ADORA2B: variants seen among roughly 807,000 people sequenced by gnomAD.
ADORA2B encodes adenosine receptor A2b.
ADORA2B carries 18 observed loss-of-function variants against 20.8 expected under a neutral mutation model. That is an observed-to-expected ratio of 0.87 (90% CI 0.60 to 1.29). The LOEUF (loss-of-function observed/expected upper bound fraction) is 1.29. Ranked by LOEUF, ADORA2B falls within the 50% of genes most tolerant of loss-of-function variation. The pLI is 0.00. For synonymous variants in ADORA2B, 179 were observed against 178.3 expected (o/e 1.00, Z -0.03); for missense variants, 441 against 422.7 (o/e 1.04, Z -0.38).
intron 1 of ADORA2B, among the ~76,000 whole-genome samples, chr17:15,950,310 C>T (rs1007926529): frequency 1.3e-5 from 2 of 152,196 alleles, no homozygotes; most frequent in Non-Finnish European, 2.9e-5. Flanking sequence ...GTGGCCCACA[C>T]CTGGAAGTCA....
At chr17:15,885,694 A>G in the ADORA2B span, among the ~76,000 whole-genome samples, 3 of 150,726 alleles carry the variant, frequency 2.0e-5, no homozygotes, top group African/African-American at 4.9e-5. Context: ...AGCCTGGACA[A>G]CAGAGCAAGA....
chr17:15,964,790 G>T (rs189250309), intron 1 of ADORA2B, among the ~76,000 whole-genome samples: 4 of 149,986 alleles, frequency 2.7e-5, no homozygotes, highest in South Asian at 4.2e-4. Flanking sequence ...GGCCGGGCGC[G>T]GTGGCTCACG....
intron 1 of ADORA2B, among the ~76,000 whole-genome samples, chr17:15,962,791 T>TA (rs1970057332): frequency 6.6e-6 from 1 of 152,232 alleles, no homozygotes; most frequent in African/African-American, 2.4e-5. Context: ...GTGCTGGGAT[T>TA]ACAGGCATGA....
the ADORA2B span, among the ~76,000 whole-genome samples, chr17:15,917,944 C>T: frequency 3.1e-3 from 475 of 152,372 alleles, 1 homozygote; most frequent in Non-Finnish European, 5.2e-3. Context: ...CCTCTCGAGC[C>T]TGCACTGGGC....
At chr17:15,938,690 T>C in the ADORA2B span, among the ~76,000 whole-genome samples, 3 of 152,192 alleles carry the variant, frequency 2.0e-5, no homozygotes, top group Admixed American at 6.5e-5. Context: ...ATATTTAGCA[T>C]CTCTGGTCTC....
At chr17:15,871,733 C>T in the ADORA2B span, among the ~76,000 whole-genome samples, 1 of 152,108 alleles carries the variant, frequency 6.6e-6, no homozygotes, top group Admixed American at 6.6e-5. Flanking sequence ...TTAATTAATT[C>T]CTTGGGGGAA....
At chr17:15,964,655 T>A (rs890144705) in intron 1 of ADORA2B, among the ~76,000 whole-genome samples, 2 of 151,516 alleles carry the variant, frequency 1.3e-5, no homozygotes, top group Middle Eastern at 3.4e-3. Context: ...TCTACTTTTT[T>A]AATTGTTATA....
chr17:15,879,960 C>G, the ADORA2B span, among the ~76,000 whole-genome samples: 4 of 148,102 alleles, frequency 2.7e-5, no homozygotes, highest in Non-Finnish European at 5.9e-5. Flanking sequence ...AAGTTCCAGA[C>G]AATTTTTGTG....
chr17:15,913,463 T>C, the ADORA2B span, among the ~76,000 whole-genome samples: 1 of 152,230 alleles, frequency 6.6e-6, no homozygotes, highest in African/African-American at 2.4e-5. Context: ...TCCAGCTTGA[T>C]GGTGAAAATC....
At chr17:15,938,493 G>A in the ADORA2B span, among the ~76,000 whole-genome samples, 1 of 152,002 alleles carries the variant, frequency 6.6e-6, no homozygotes, top group Non-Finnish European at 1.5e-5. Flanking sequence ...TAGTAGAGAC[G>A]AGGTTTCATC....
At chr17:15,907,911 T>A in the ADORA2B span, among the ~76,000 whole-genome samples, 4 of 152,158 alleles carry the variant, frequency 2.6e-5, no homozygotes, top group East Asian at 7.7e-4. Context: ...TCAGTGCACA[T>A]CCACTAGAAT....
At chr17:15,870,032 C>T in the ADORA2B span, among the ~76,000 whole-genome samples, 1 of 150,806 alleles carries the variant, frequency 6.6e-6, no homozygotes, top group African/African-American at 2.4e-5. Flanking sequence ...GCAAATCCAG[C>T]CCACCACATG....
chr17:15,961,592 A>G (rs966851824), intron 1 of ADORA2B, among the ~76,000 whole-genome samples: 3 of 152,228 alleles, frequency 2.0e-5, no homozygotes, highest in Middle Eastern at 3.2e-3. Context: ...AGTCCATTCT[A>G]TGCTTTTATA....
At chr17:15,868,631 A>T in the ADORA2B span, among the ~76,000 whole-genome samples, 471 of 130,936 alleles carry the variant, frequency 3.6e-3, 28 homozygotes, top group African/African-American at 0.013. Context: ...AAAAAAAAAA[A>T]TAGCTGGGCG....
the ADORA2B span, among the ~76,000 whole-genome samples, chr17:15,918,591 C>A: frequency 1.3e-5 from 2 of 152,212 alleles, no homozygotes; most frequent in East Asian, 3.8e-4. Context: ...CCTGCCTCAG[C>A]CTGTCGAGTA....
the ADORA2B span, among the ~76,000 whole-genome samples, chr17:15,894,856 C>A: frequency 6.6e-6 from 1 of 152,082 alleles, no homozygotes; most frequent in Admixed American, 6.6e-5. Flanking sequence ...AATAACTGAG[C>A]AAAGTAATTT....
At chr17:15,853,880 T>C in the ADORA2B span, among the ~76,000 whole-genome samples, 18 of 150,664 alleles carry the variant, frequency 1.2e-4, no homozygotes, top group African/African-American at 4.4e-4. Context: ...AAGGTCAGTG[T>C]CTCTCATGAA....
chr17:15,923,373 C>CTT, the ADORA2B span, among the ~76,000 whole-genome samples: 1 of 142,930 alleles, frequency 7.0e-6, no homozygotes, highest in Non-Finnish European at 1.5e-5. Flanking sequence ...CTCTGTCTCT[C>CTT]TCTCTATGTG....
chr17:15,864,208 T>C, the ADORA2B span: 1 of 152,694 alleles, frequency 6.5e-6, no homozygotes, highest in African/African-American at 2.4e-5. Context: ...GTAGTAGGCC[T>C]GTGCCAGTAC....
Sources: gnomAD v4.1 joint callset for allele counts (sites outside exome capture counted in the v4.1 genomes callset) on GRCh38, gnomAD v4.1.1 for gene constraint, MANE v1.5 for transcripts, NCBI Gene and HGNC (gene_info 2026-07-23, HGNC 2026-07-21) for gene names.